The following NRL variants were observed in gnomAD, a reference collection of about 807,000 sequenced individuals.
NRL encodes neural retina leucine zipper, also known as neural retina-specific leucine zipper protein.
A neutral mutation model predicts 12.5 loss-of-function variants in NRL; 16 were observed. That is an observed-to-expected ratio of 1.28 (90% confidence interval 0.87 to 1.95). The LOEUF (loss-of-function observed/expected upper bound fraction) is 1.95, where lower values mean the gene tolerates loss of function less well. Among genes scored for constraint, NRL ranks in the 30% most tolerant of loss-of-function variants. The pLI is 0.00. For synonymous variants in NRL, 142 were observed against 150.9 expected (o/e 0.94, Z 0.43); for missense variants, 314 against 325.8 (o/e 0.96, Z 0.28).
intron 1 of NRL, among the ~76,000 whole-genome samples, chr14:24,106,745 A>AT (rs940334491): frequency 2.0e-5 from 3 of 151,402 alleles, no homozygotes; most frequent in African/African-American, 7.3e-5. Context: ...TAAATAAATA[A>AT]ATTTAAAAAT....
intron 1 of NRL, among the ~76,000 whole-genome samples, chr14:24,090,083 A>G (rs1345903805): frequency 6.6e-6 from 1 of 152,086 alleles, no homozygotes; most frequent in South Asian, 2.1e-4. Context: ...CAGTAGAGAC[A>G]TGATGTGATC....
At chr14:24,103,359 T>G (rs2037243572) in intron 1 of NRL, 1 of 1,143,854 alleles carries the variant, frequency 8.7e-7, no homozygotes, top group Non-Finnish European at 1.3e-6. Flanking sequence ...GAGTCTGATA[T>G]GGCCCCACCT....
chr14:24,102,714 T>A, intron 1 of NRL: 1 of 1,588,570 alleles, frequency 6.3e-7, no homozygotes, highest in East Asian at 2.2e-5. Context: ...GGGGTCGACA[T>A]GACCTTGGAA....
chr14:24,101,445 G>T (rs1181725229), intron 1 of NRL, among the ~76,000 whole-genome samples: 1 of 152,202 alleles, frequency 6.6e-6, no homozygotes, highest in Non-Finnish European at 1.5e-5. Context: ...ACACAGTGGT[G>T]CTTCATACAT....
intron 1 of NRL, chr14:24,110,423 A>C (rs1161333029): frequency 4.2e-6 from 1 of 235,392 alleles, no homozygotes; most frequent in Non-Finnish European, 9.4e-6. Flanking sequence ...TTCTAATGAA[A>C]AAATGAAACC....
rs376014185 is a variant in NRL at position 24,081,578 on chromosome 14, G to C, written c.382-10C>G. ...AAAACCGCTCTGCCAGCTGCGGAGG[G>C]AGAATGCAGAAACCGGGTCAGCGCC... is the stretch of plus-strand genomic sequence containing the variant. On this transcript the variant is annotated splice_polypyrimidine_tract_variant and intron_variant, in intron 2 of 2. Transcript: ENST00000561028. This position sits in a 1 kb window ranked among gnomAD's most constrained non-coding sequence, Gnocchi z 4.4. The C allele has an allele frequency of 5.7e-5, 91 of 1,586,300 alleles. No homozygotes were observed. The highest frequency in any genetic ancestry group is 7.6e-5 in the Non-Finnish European group (89 of 1,168,014).
At chr14:24,106,116 A>G (rs75269614) in intron 1 of NRL, among the ~76,000 whole-genome samples, 3,876 of 152,280 alleles carry the variant, frequency 0.025, 135 homozygotes, top group African/African-American at 0.084. Flanking sequence ...ATCTGAAATA[A>G]ACTTTGGAGA....
At chr14:24,104,866 A>G (rs981852635) in intron 1 of NRL, among the ~76,000 whole-genome samples, 1 of 152,168 alleles carries the variant, frequency 6.6e-6, no homozygotes, top group Non-Finnish European at 1.5e-5. Flanking sequence ...AGCATATTCA[A>G]TATTAGGACA....
At chr14:24,082,138 C>A (rs548809406) in intron 2 of NRL, 5 of 897,742 alleles carry the variant, frequency 5.6e-6, no homozygotes, top group African/African-American at 1.8e-5. Context: ...CCACACATAA[C>A]CCTTTCCCTG....
intron 1 of NRL, among the ~76,000 whole-genome samples, chr14:24,113,378 T>TAA (rs370478810): frequency 7.1e-6 from 1 of 140,172 alleles, no homozygotes; most frequent in Non-Finnish European, 1.6e-5. Context: ...TAGAGTATAA[T>TAA]AAAAAAAAAA....
In NRL at chr14:24,081,137, A is replaced by T. The variant is rs569332440; in HGVS notation, c.*99T>A. 7.0e-6 allele frequency: 6 copies of T among 860,148 alleles called. No individual in the cohort carries two copies. In the East Asian group the frequency reaches 2.0e-4, roughly 29 times the overall value. 53.3% of individuals were successfully genotyped at this position (860,148 alleles called of 1,614,324 possible). A position where few individuals can be genotyped will look rare whatever the true frequency, so the allele number is the denominator to read the frequency against. On this transcript the variant is annotated 3_prime_UTR_variant, in exon 3 of 3. Transcript: ENST00000561028. This position sits in a 1 kb window ranked among gnomAD's most constrained non-coding sequence, Gnocchi z 4.4. ...GGTCATACAGGGCGTGGCTAGGACC[A>T]GAAGGCGCTCTGGTAACGATGCAGA...
chr14:24,098,592 G>A (rs757288672), intron 1 of NRL: 79 of 1,614,068 alleles, frequency 4.9e-5, no homozygotes, highest in Non-Finnish European at 5.8e-5. Context: ...ATTATGACCC[G>A]ACTGGGGACA....
chr14:24,090,513 G>T (rs1022262786), intron 1 of NRL, among the ~76,000 whole-genome samples: 1 of 152,148 alleles, frequency 6.6e-6, no homozygotes, highest in African/African-American at 2.4e-5. Context: ...GCTCCCTTTG[G>T]CCACAGATAG....
In NRL at chr14:24,090,956, G is replaced by A. The variant is rs568770510; in HGVS notation, c.-27-8081C>T. ...TGCCTGTTATAGGCCAGGTACTGCTGGGAACTAGGAGAAAAACAAGACTGA... is the reference window on the plus strand; with the variant it reads ...TGCCTGTTATAGGCCAGGTACTGCTAGGAACTAGGAGAAAAACAAGACTGA... On this transcript the variant is annotated intron_variant, in intron 1 of 2. Coordinates refer to ENST00000561028, the MANE Select transcript of NRL (RefSeq NM_001354768.3). Among the ~76,000 whole-genome samples, 31 of 152,236 alleles carry A rather than the reference G, an allele frequency of 2.0e-4. 1 individual carries two copies. Among genetic ancestry groups the A allele is most frequent in the African/African-American group, 6.3e-4 (26 of 41,520 alleles).
chr14:24,082,122 T>G (rs2036329556), intron 2 of NRL: 2 of 1,231,006 alleles, frequency 1.6e-6, no homozygotes, highest in South Asian at 3.4e-5. Context: ...TTAACCCAGC[T>G]CCACTCCACA....
rs573169794 is a variant in NRL, at chr14:24,079,565, G to A, written c.*1671C>T. Among the ~76,000 whole-genome samples the A allele has an allele frequency of 3.3e-5, 5 of 152,202 alleles. No individual in the cohort carries two copies. Among genetic ancestry groups the A allele is most frequent in the African/African-American group, 9.6e-5 (4 of 41,498 alleles). ...GGACTCCCATTGCAGGCTCCTAAGCGGAGGAGGGATGAGCTGGGATAGAGG... is the reference window on the plus strand; with the variant it reads ...GGACTCCCATTGCAGGCTCCTAAGCAGAGGAGGGATGAGCTGGGATAGAGG... On this transcript the variant is annotated 3_prime_UTR_variant, in exon 3 of 3. Coordinates refer to ENST00000561028, the MANE Select transcript of NRL (RefSeq NM_001354768.3).
intron 1 of NRL, chr14:24,114,173 C>A (rs1414746992): frequency 1.3e-5 from 2 of 152,284 alleles, no homozygotes; most frequent in Non-Finnish European, 2.9e-5. Flanking sequence ...AAGGGGACAG[C>A]GGAACCGGAA....
chr14:24,111,771 G>A (rs1026808537), intron 1 of NRL, among the ~76,000 whole-genome samples: 1 of 150,478 alleles, frequency 6.6e-6, no homozygotes, highest in South Asian at 2.1e-4. Flanking sequence ...AAACAATCAT[G>A]TCGTCTGCAA....
chr14:24,088,428 T>C (rs1257456889), intron 1 of NRL, among the ~76,000 whole-genome samples: 3 of 152,348 alleles, frequency 2.0e-5, no homozygotes, highest in African/African-American at 7.2e-5. Flanking sequence ...CAGTCCAAGA[T>C]GGTGTCAGGG....
Sources: gnomAD v4.1 joint callset for allele counts (sites outside exome capture counted in the v4.1 genomes callset) on GRCh38, gnomAD v4.1.1 for gene constraint, Gnocchi (gnomAD v3.1) non-coding constraint, MANE v1.5 for transcripts, NCBI Gene and HGNC (gene_info 2026-07-23, HGNC 2026-07-21) for gene names.